PTPRD: variants seen among roughly 807,000 people sequenced by gnomAD.
PTPRD encodes receptor-type tyrosine-protein phosphatase delta.
A neutral mutation model predicts 214.5 loss-of-function variants in PTPRD; 34 were observed. The observed-to-expected ratio is 0.16, with a 90% CI of 0.12 to 0.21. The LOEUF (loss-of-function observed/expected upper bound fraction) is 0.21. PTPRD is among the 10% of genes least tolerant of loss of function. The pLI is 1.00. For missense variants in PTPRD, 2,545 were observed against 2,398.7 expected, an observed-to-expected ratio of 1.06 and a Z score of -1.27; for synonymous variants, 1,128 against 845.7, an observed-to-expected ratio of 1.33 and a Z score of -5.79.
At chr9:10,438,119 G>C (rs2098734384) in intron 2 of PTPRD, among the ~76,000 whole-genome samples, 1 of 150,104 alleles carries the variant, frequency 6.7e-6, no homozygotes, top group East Asian at 2.0e-4. Flanking sequence ...CTAAGTACTA[G>C]GGCCAATATT....
chr9:9,716,471 CA>C (rs1595898402), intron 7 of PTPRD, among the ~76,000 whole-genome samples: 1 of 151,892 alleles, frequency 6.6e-6, no homozygotes, highest in South Asian at 2.1e-4. Flanking sequence ...GTCCCACCAA[CA>C]GTGTAAAAGT....
chr9:10,224,040 T>C (rs1183128629), intron 3 of PTPRD, among the ~76,000 whole-genome samples: 3 of 151,798 alleles, frequency 2.0e-5, no homozygotes, highest in Non-Finnish European at 2.9e-5. Flanking sequence ...TATTCTAAAA[T>C]AAAACAACAA....
chr9:9,883,195 T>C (rs1195043602), intron 5 of PTPRD, among the ~76,000 whole-genome samples: 1 of 152,008 alleles, frequency 6.6e-6, no homozygotes, highest in Non-Finnish European at 1.5e-5. Context: ...CTTATACTTT[T>C]AAAAGATAAT....
intron 39 of PTPRD, among the ~76,000 whole-genome samples, chr9:8,351,992 T>C (rs1337960163): frequency 6.6e-6 from 1 of 151,938 alleles, no homozygotes; most frequent in Non-Finnish European, 1.5e-5. Context: ...TTGGGTGTTT[T>C]ATTTTTCCAT....
At chr9:9,390,578 T>C (rs2065458849) in intron 9 of PTPRD, among the ~76,000 whole-genome samples, 1 of 152,122 alleles carries the variant, frequency 6.6e-6, no homozygotes, top group South Asian at 2.1e-4. Context: ...TGTGTTATTA[T>C]TGTTATTATT....
chr9:9,374,503 G>A lies in PTPRD; in HGVS notation c.-203+22946C>T, dbSNP rs180846465. Among the ~76,000 whole-genome samples the A allele has an allele frequency of 1.6e-4, 24 of 152,228 alleles. No individual in the cohort carries two copies. The East Asian group carries it at 4.4e-3, about 28-fold the overall frequency. On this transcript the variant is annotated intron_variant, in intron 9 of 45. Coordinates refer to ENST00000381196, the MANE Select transcript of PTPRD (RefSeq NM_002839.4). ...TAACATAAAGTAAAAGCATATTCCA[G>A]AAAGTAGTTTAATAGGATGAAGCTG...
intron 5 of PTPRD, among the ~76,000 whole-genome samples, chr9:9,769,183 C>T (rs1181697761): frequency 1.3e-5 from 2 of 151,914 alleles, no homozygotes; most frequent in African/African-American, 4.8e-5. Flanking sequence ...AAGAAAAGTT[C>T]TGAAAGTCAA....
intron 2 of PTPRD, among the ~76,000 whole-genome samples, chr9:10,570,887 T>A (rs2067215737): frequency 6.6e-6 from 1 of 151,992 alleles, no homozygotes; most frequent in Non-Finnish European, 1.5e-5. Flanking sequence ...TCTTCTTTTT[T>A]TTTTTTTGTA....
At chr9:9,731,029 T>A (rs956818860) in intron 7 of PTPRD, among the ~76,000 whole-genome samples, 7 of 152,096 alleles carry the variant, frequency 4.6e-5, no homozygotes, top group African/African-American at 1.7e-4. Flanking sequence ...AGATACAAAA[T>A]TCAGTGATTC....
At chr9:9,639,500 C>T (rs1011982136) in intron 7 of PTPRD, among the ~76,000 whole-genome samples, 38 of 152,160 alleles carry the variant, frequency 2.5e-4, no homozygotes, top group African/African-American at 8.9e-4. Context: ...CTATGTTTAT[C>T]TCAATACCTC....
chr9:10,497,651 C>T (rs1323307233), intron 2 of PTPRD, among the ~76,000 whole-genome samples: 1 of 151,646 alleles, frequency 6.6e-6, no homozygotes, highest in Non-Finnish European at 1.5e-5. Flanking sequence ...GGCGGATATG[C>T]TAAATTATTT....
chr9:9,166,618 T>C (rs1358611444), intron 10 of PTPRD, among the ~76,000 whole-genome samples: 1 of 152,192 alleles, frequency 6.6e-6, no homozygotes, highest in African/African-American at 2.4e-5. Context: ...CAGACCATGT[T>C]AGCCAGTTTC....
chr9:9,416,529 C>G (rs1287916158), intron 8 of PTPRD, among the ~76,000 whole-genome samples: 1 of 152,096 alleles, frequency 6.6e-6, no homozygotes, highest in African/African-American at 2.4e-5. Context: ...ACGTCCAATT[C>G]CTTTGTGTGG....
intron 8 of PTPRD, among the ~76,000 whole-genome samples, chr9:9,446,291 G>T (rs143165269): frequency 2.7e-3 from 410 of 152,214 alleles, no homozygotes; most frequent in African/African-American, 8.7e-3. Flanking sequence ...AAGTGTTGAG[G>T]ATTTAATAGT....
At chr9:10,062,251 A>T (rs942338934) in intron 3 of PTPRD, among the ~76,000 whole-genome samples, 1 of 152,110 alleles carries the variant, frequency 6.6e-6, no homozygotes, top group Non-Finnish European at 1.5e-5. Flanking sequence ...CCACAGCGTG[A>T]TAAGTAATTG....
At chr9:8,494,013 C>G (rs529156086) in intron 26 of PTPRD, among the ~76,000 whole-genome samples, 10 of 150,034 alleles carry the variant, frequency 6.7e-5, no homozygotes, top group South Asian at 4.3e-4. Context: ...CACAGACACA[C>G]ACACACACAC....
At chr9:9,905,087 C>A (rs1472333754) in intron 5 of PTPRD, among the ~76,000 whole-genome samples, 1 of 151,984 alleles carries the variant, frequency 6.6e-6, no homozygotes, top group Non-Finnish European at 1.5e-5. Context: ...CTAATGAGAG[C>A]ATACCATCTA....
At chr9:8,844,201 G>C (rs1328941050) in intron 11 of PTPRD, among the ~76,000 whole-genome samples, 1 of 152,094 alleles carries the variant, frequency 6.6e-6, no homozygotes, top group East Asian at 1.9e-4. Context: ...ATATAGGCTT[G>C]TGGATACAAT....
At chr9:9,224,449 T>C (rs959005983) in intron 9 of PTPRD, among the ~76,000 whole-genome samples, 1 of 151,962 alleles carries the variant, frequency 6.6e-6, no homozygotes, top group African/African-American at 2.4e-5. Flanking sequence ...TTGGCTCCAT[T>C]ATTGAAATTT....
Sources: gnomAD v4.1 joint callset for allele counts (sites outside exome capture counted in the v4.1 genomes callset) on GRCh38, gnomAD v4.1.1 for gene constraint, MANE v1.5 for transcripts, NCBI Gene and HGNC (gene_info 2026-07-23, HGNC 2026-07-21) for gene names.